ZNF469: variants seen among roughly 807,000 people sequenced by gnomAD.
ZNF469 encodes zinc finger protein 469.
A neutral mutation model predicts 1.0 loss-of-function variants in ZNF469; 1 was observed. The ratio of observed to expected loss-of-function variants is 1.00; its 90% CI spans 0.35 to 4.73. The LOEUF is 4.73. Ranked by LOEUF, ZNF469 falls within the 30% of genes most tolerant of loss-of-function variation. The pLI is 0.16. For missense variants in ZNF469, 6,100 were observed against 5,356.3 expected, an observed-to-expected ratio of 1.14 and a Z score of -4.33; for synonymous variants, 2,703 against 2,363.4, an observed-to-expected ratio of 1.14 and a Z score of -4.17.
At chr16:88,266,275 G>C in the ZNF469 span, among the ~76,000 whole-genome samples, 1 of 152,222 alleles carries the variant, frequency 6.6e-6, no homozygotes, top group African/African-American at 2.4e-5. Context: ...GGGGGGACTT[G>C]GGGCCACTGG....
the ZNF469 span, among the ~76,000 whole-genome samples, chr16:88,199,825 G>A: frequency 1.3e-5 from 2 of 152,218 alleles, no homozygotes; most frequent in Non-Finnish European, 2.9e-5. Context: ...CAGGATGGGG[G>A]CTCAGGCAGA....
upstream of ZNF469, among the ~76,000 whole-genome samples, chr16:88,379,371 A>G (rs1357451961): frequency 6.6e-6 from 1 of 152,146 alleles, no homozygotes; most frequent in East Asian, 1.9e-4. Flanking sequence ...TCACAGACAC[A>G]GGGGACCTTC....
At chr16:88,136,426 C>T in the ZNF469 span, among the ~76,000 whole-genome samples, 43 of 152,334 alleles carry the variant, frequency 2.8e-4, no homozygotes, top group African/African-American at 7.9e-4. Flanking sequence ...CAGCCGTCTC[C>T]GGCTTGGCCA....
the ZNF469 span, among the ~76,000 whole-genome samples, chr16:88,163,491 T>C: frequency 1.0e-5 from 1 of 98,346 alleles, no homozygotes; most frequent in Non-Finnish European, 2.5e-5. Context: ...CAGAGAAGGA[T>C]GGATGAATGG....
the ZNF469 span, among the ~76,000 whole-genome samples, chr16:88,121,620 A>G: frequency 0.75 from 114,301 of 152,100 alleles, 44,018 homozygotes; most frequent in Middle Eastern, 0.89. Context: ...AAAATTCCAT[A>G]CATATTTAAG....
At position 88,414,871 on chromosome 16, in the gene ZNF469, C is replaced by T. The variant is rs529638780; in HGVS notation, c.-191-9936C>T. On this transcript the variant is annotated intron_variant, in intron 1 of 2. Coordinates refer to ENST00000565624, the MANE Select transcript of ZNF469 (RefSeq NM_001367624.2). ...TGCCTTCCCAGGGCCATGGGTCAGC[C>T]AGTTAGGGCGGGGCAGAGGGGAGCA... Among the ~76,000 whole-genome samples, 502 of 152,360 alleles carry T rather than the reference C, an allele frequency of 3.3e-3. 4 individuals are homozygous for T. The highest frequency in any genetic ancestry group is 0.012 in the African/African-American group (479 of 41,580).
At chr16:88,247,518 GAGT>G in the ZNF469 span, among the ~76,000 whole-genome samples, 3 of 139,160 alleles carry the variant, frequency 2.2e-5, no homozygotes, top group Admixed American at 2.3e-4. Flanking sequence ...ATGAGTGAGT[GAGT>G]GAATGAGTGA....
chr16:88,410,047 T>C (rs1597196932), intron 1 of ZNF469, among the ~76,000 whole-genome samples: 2 of 137,596 alleles, frequency 1.5e-5, no homozygotes, highest in Admixed American at 1.5e-4. Context: ...GAGCAGATAC[T>C]GGGAAAGGCT....
At position 88,436,884 on chromosome 16, in the gene ZNF469, G is replaced by C; in HGVS notation, c.9414G>C (p.Thr3138=). Residue 3138 remains threonine, a synonymous_variant, in exon 3 of 3, where the codon ACG becomes ACC. Transcript: ENST00000565624. ...TGGACCTGCACAAGCTGGCCCACAC[G>C]CCCGCGCCGCCGCCCACCTGCTACA... ...GELDLHKLAH[T]PAPPPTCYMC... is the part of the protein sequence containing the mutation. The C allele has an allele frequency of 6.6e-7, 1 of 1,506,316 alleles. No individual in the cohort carries two copies. The highest frequency in any genetic ancestry group is 8.8e-7 in the Non-Finnish European group (1 of 1,129,994). The allele number at this position is 1,506,316 out of a possible 1,614,324, so 93.3% of individuals were successfully genotyped here.
At chr16:88,178,057 T>C in the ZNF469 span, 1 of 152,416 alleles carries the variant, frequency 6.6e-6, no homozygotes, top group East Asian at 1.9e-4. Flanking sequence ...TCCGTAGCTT[T>C]GAGAGCTCCC....
At chr16:88,210,908 A>G in the ZNF469 span, among the ~76,000 whole-genome samples, 1 of 152,226 alleles carries the variant, frequency 6.6e-6, no homozygotes, top group Non-Finnish European at 1.5e-5. Context: ...TATTTTTCAT[A>G]TAGGTTTTCA....
the ZNF469 span, among the ~76,000 whole-genome samples, chr16:88,346,495 G>A: frequency 3.9e-5 from 6 of 152,162 alleles, no homozygotes; most frequent in African/African-American, 1.2e-4. Flanking sequence ...CAGCAGGACC[G>A]TTGCTCCTAC....
chr16:88,109,262 A>T, the ZNF469 span, among the ~76,000 whole-genome samples: 7 of 152,194 alleles, frequency 4.6e-5, no homozygotes, highest in African/African-American at 1.7e-4. Context: ...AGACCTCAAC[A>T]GTGAGACAGC....
At chr16:88,367,608 G>A in the ZNF469 span, among the ~76,000 whole-genome samples, 1 of 152,162 alleles carries the variant, frequency 6.6e-6, no homozygotes, top group Non-Finnish European at 1.5e-5. Flanking sequence ...AAAGCAAAGC[G>A]ACCATGACCA....
At position 88,429,731 on chromosome 16, in the gene ZNF469, G is replaced by A. The variant is rs1297413439; in HGVS notation, c.2261G>A (p.Gly754Asp). The A allele has an allele frequency of 1.9e-6, 3 of 1,544,584 alleles. No homozygotes were observed. The highest frequency in any genetic ancestry group is 2.6e-6 in the Non-Finnish European group (3 of 1,144,400). ...AAFLAHRQFC[G>D]LLLARAKDGH... ...TTCCTGGCCCACCGGCAGTTCTGTGGCCTGCTCCTGGCCAGGGCCAAGGAT... is the reference window on the plus strand; with the variant it reads ...TTCCTGGCCCACCGGCAGTTCTGTGACCTGCTCCTGGCCAGGGCCAAGGAT... Residue 754 changes from glycine (G) to aspartate (D), a missense_variant, in exon 3 of 3, where the codon GGC (glycine) becomes GAC (aspartate). By Grantham distance (94) the Gly-to-Asp change is moderately conservative. Transcript: ENST00000565624.
At chr16:88,423,156 GTGGA>G (rs1304275628) in intron 1 of ZNF469, among the ~76,000 whole-genome samples, 217 of 10,736 alleles carry the variant, frequency 0.02, 1 homozygote, top group African/African-American at 0.028. Flanking sequence ...GGGTGGGTTG[GTGGA>G]TGGATGGGTG....
chr16:88,177,656 A>T, the ZNF469 span: 1 of 152,134 alleles, frequency 6.6e-6, no homozygotes, highest in Non-Finnish European at 1.5e-5. The surrounding 1 kb of genome is among the most constrained non-coding windows in gnomAD (Gnocchi z 4.8). Context: ...GTTGCATCAG[A>T]GTGAAACTCG....
chr16:88,220,716 C>A, the ZNF469 span, among the ~76,000 whole-genome samples: 2 of 152,084 alleles, frequency 1.3e-5, no homozygotes. Context: ...AAACAGGAAC[C>A]TGAGTCTGTG....
At chr16:88,266,878 T>C in the ZNF469 span, among the ~76,000 whole-genome samples, 1 of 152,236 alleles carries the variant, frequency 6.6e-6, no homozygotes, top group Non-Finnish European at 1.5e-5. Context: ...AAGGCAGTTT[T>C]AGTTGGTGTG....
Sources: allele counts gnomAD v4.1 joint callset (sites outside exome capture counted in the v4.1 genomes callset), GRCh38; gene constraint gnomAD v4.1.1; non-coding constraint Gnocchi (gnomAD v3.1); transcripts MANE v1.5; gene names NCBI Gene and HGNC (gene_info 2026-07-23, HGNC 2026-07-21).